ERICH6B: variants seen among roughly 807,000 people sequenced by gnomAD.
ERICH6B encodes the protein glutamate-rich protein 6B.
Under a neutral mutation model 80.0 loss-of-function variants are expected in ERICH6B, and 69 were observed. The observed-to-expected ratio is 0.86, with a 90% CI of 0.71 to 1.05. ERICH6B has a LOEUF of 1.05. ERICH6B is among the 50% of genes least tolerant of loss of function. ERICH6B has a pLI of 0.00. For missense variants in ERICH6B, 754 were observed against 796.1 expected (o/e 0.95, Z 0.64); for synonymous variants, 283 against 291.9 (o/e 0.97, Z 0.31).
chr13:45,612,893 C>T (rs1009862573), intron 1 of ERICH6B, among the ~76,000 whole-genome samples: 3 of 152,124 alleles, frequency 2.0e-5, no homozygotes, highest in Non-Finnish European at 4.4e-5. Context: ...AAGGGACTTT[C>T]GGGTTTTGAC....
At chr13:45,599,754 G>A (rs1385265087) in intron 2 of ERICH6B, among the ~76,000 whole-genome samples, 1 of 152,116 alleles carries the variant, frequency 6.6e-6, no homozygotes, top group African/African-American at 2.4e-5. Context: ...TGTCTACTGG[G>A]ACCTAGTGCA....
At chr13:45,592,162 T>A (rs1876182145) in intron 3 of ERICH6B, among the ~76,000 whole-genome samples, 1 of 152,290 alleles carries the variant, frequency 6.6e-6, no homozygotes, top group African/African-American at 2.4e-5. Flanking sequence ...TTGGGACAAT[T>A]AAAGGAGATA....
In ERICH6B at chr13:45,544,883, G is replaced by C. The variant is rs911980556; in HGVS notation, c.1749C>G (p.Val583=). The change falls in exon 14 of 15, where the codon GTC becomes GTG. Residue 583 remains valine, a synonymous_variant. Transcript: ENST00000298738. ...CATTGATTTTCAAGGAGATGGGCTG[G>C]ACAGGGGGTGCGTGGACATGGATGT... is the stretch of plus-strand genomic sequence containing the variant. ...NLNIHVHAPP[V]QPISLKINEY... 6.4e-7 allele frequency: 1 copy of C among 1,551,592 alleles called. No homozygotes were observed. The highest frequency in any genetic ancestry group is 1.4e-5 in the African/African-American group (1 of 73,034).
At chr13:45,566,417 C>G (rs922436386) in intron 9 of ERICH6B, among the ~76,000 whole-genome samples, 2 of 152,256 alleles carry the variant, frequency 1.3e-5, no homozygotes, top group African/African-American at 4.8e-5. Context: ...CCCCTCCCAT[C>G]ACAGGCCTGA....
chr13:45,572,503 T>A (rs887109720), intron 8 of ERICH6B, among the ~76,000 whole-genome samples: 1 of 152,118 alleles, frequency 6.6e-6, no homozygotes, highest in Admixed American at 6.5e-5. Flanking sequence ...TTTAAAGAGA[T>A]CCCTTAGAGA....
intron 14 of ERICH6B, among the ~76,000 whole-genome samples, chr13:45,543,573 G>C (rs1873872129): frequency 6.6e-6 from 1 of 152,222 alleles, no homozygotes; most frequent in Non-Finnish European, 1.5e-5. Context: ...CACAAGCCAA[G>C]AATGCCAGAA....
chr13:45,596,040 A>G (rs1371607369), intron 3 of ERICH6B, among the ~76,000 whole-genome samples: 4 of 152,240 alleles, frequency 2.6e-5, no homozygotes, highest in African/African-American at 9.6e-5. Context: ...TATTATAAGC[A>G]GGTGCTTTAT....
intron 2 of ERICH6B, among the ~76,000 whole-genome samples, chr13:45,603,788 C>A (rs1157119104): frequency 6.6e-6 from 1 of 152,202 alleles, no homozygotes; most frequent in Admixed American, 6.5e-5. Flanking sequence ...CACCTCTCAC[C>A]ATCTAATGTA....
intron 2 of ERICH6B, among the ~76,000 whole-genome samples, chr13:45,603,938 AT>A (rs1949842227): frequency 6.6e-6 from 1 of 152,180 alleles, no homozygotes; most frequent in South Asian, 2.1e-4. Context: ...AGCGGGTACG[AT>A]GTGTGTTGAG....
chr13:45,588,325 G>A (rs975474572), intron 4 of ERICH6B, among the ~76,000 whole-genome samples: 2 of 152,160 alleles, frequency 1.3e-5, no homozygotes, highest in African/African-American at 2.4e-5. Context: ...GGTCTGTGCC[G>A]GCCCAGCAGC....
chr13:45,587,014 GC>G, intron 5 of ERICH6B, 48 bp downstream of exon 5: 1 of 1,518,346 alleles, frequency 6.6e-7, no homozygotes, highest in Non-Finnish European at 8.9e-7. Flanking sequence ...TCCTCCCCTG[GC>G]CCACAGAGCC....
intron 8 of ERICH6B, among the ~76,000 whole-genome samples, chr13:45,569,292 A>G (rs1401288214): frequency 6.6e-6 from 1 of 152,060 alleles, no homozygotes; most frequent in African/African-American, 2.4e-5. Context: ...TGCCCAGCTA[A>G]TTTTTGTATC....
At chr13:45,558,185 A>AT (rs1401754057) in intron 11 of ERICH6B, among the ~76,000 whole-genome samples, 1 of 151,660 alleles carries the variant, frequency 6.6e-6, no homozygotes, top group Non-Finnish European at 1.5e-5. Flanking sequence ...ATTTTATTTT[A>AT]TTTTTTGCAG....
At chr13:45,553,016 GTT>G (rs1165420627) in intron 11 of ERICH6B, 1 of 236,354 alleles carries the variant, frequency 4.2e-6, no homozygotes, top group African/African-American at 2.3e-5. Flanking sequence ...TCAGGTTTTA[GTT>G]CTCTTGTTGT....
At chr13:45,553,083 A>T in intron 11 of ERICH6B, 1 of 310,516 alleles carries the variant, frequency 3.2e-6, no homozygotes, top group East Asian at 1.0e-4. Context: ...TTGTAGTTGC[A>T]AGACATTCCT....
chr13:45,550,302 A>G lies in ERICH6B; in HGVS notation c.1422T>C (p.Asp474=). Residue 474 remains aspartate, a synonymous_variant, in exon 12 of 15, where the codon GAT becomes GAC. Transcript: ENST00000298738. ...IQKKTVVHQG[D]GKLILYPNKN... is the part of the protein sequence containing the mutation. ...TGTTGGGGTAGAGAATTAATTTTCC[A>G]TCACCTTGATGCACCTGGGAAGAAA... 1.9e-6 allele frequency: 3 copies of G among 1,551,544 alleles called. No individual in the cohort carries two copies. The highest frequency in any genetic ancestry group is 2.4e-5 in the South Asian group (2 of 84,050).
chr13:45,584,497 C>T (rs776689887), intron 5 of ERICH6B, among the ~76,000 whole-genome samples: 3 of 152,190 alleles, frequency 2.0e-5, no homozygotes, highest in African/African-American at 2.4e-5. Context: ...GCTTTGGAAG[C>T]GGGTGCCTTG....
At chr13:45,573,440 G>C (rs1199318449) in intron 8 of ERICH6B, among the ~76,000 whole-genome samples, 1 of 152,146 alleles carries the variant, frequency 6.6e-6, no homozygotes, top group Non-Finnish European at 1.5e-5. Flanking sequence ...TAAGGAACTG[G>C]AGGCTTGAGA....
chr13:45,564,508 T>G (rs1870073268), intron 9 of ERICH6B, among the ~76,000 whole-genome samples: 2 of 152,196 alleles, frequency 1.3e-5, no homozygotes, highest in South Asian at 4.1e-4. Context: ...AATCCTTAGA[T>G]CAGATTCCTT....
Sources: allele counts gnomAD v4.1 joint callset (sites outside exome capture counted in the v4.1 genomes callset), GRCh38; gene constraint gnomAD v4.1.1; transcripts MANE v1.5; gene names NCBI Gene and HGNC (gene_info 2026-07-23, HGNC 2026-07-21).